Variants in HHAT observed in about 807,000 individuals in gnomAD.
HHAT encodes hedgehog acyltransferase, also known as protein-cysteine N-palmitoyltransferase HHAT.
In HHAT, 47 loss-of-function variants were observed where a neutral mutation model predicts 70.8. That is an observed-to-expected ratio of 0.66 (90% CI 0.53 to 0.85). HHAT has a LOEUF of 0.85. HHAT is among the 40% of genes least tolerant of loss of function. The pLI, the probability that HHAT is intolerant of heterozygous loss-of-function variation, is 0.00. For missense variants in HHAT, 609 were observed against 604.8 expected, an observed-to-expected ratio of 1.01 and a Z score of -0.07; for synonymous variants, 228 against 247.6, an observed-to-expected ratio of 0.92 and a Z score of 0.74.
At chr1:210,447,581 T>C (rs886874759) in intron 7 of HHAT, among the ~76,000 whole-genome samples, 1 of 152,214 alleles carries the variant, frequency 6.6e-6, no homozygotes, top group Non-Finnish European at 1.5e-5. Flanking sequence ...CAGTCAAGCA[T>C]TGGCTGAGGA....
At position 210,473,888 on chromosome 1, in the gene HHAT, C is replaced by G. The variant is rs142200381; in HGVS notation, c.1007+9233C>G. Among the ~76,000 whole-genome samples the G allele has an allele frequency of 1.0e-3, 158 of 152,330 alleles. 1 individual carries two copies. Among genetic ancestry groups the G allele is most frequent in the African/African-American group, 3.7e-3 (155 of 41,582 alleles). On this transcript the variant is annotated intron_variant, in intron 8 of 11. Coordinates refer to ENST00000261458, the MANE Select transcript of HHAT (RefSeq NM_018194.6). ...ATTTCTAATTCAGACATCCCTTCAG[C>G]AAAGTCGTGTTGCTTTTTGCCCCAC...
chr1:210,497,203 A>C (rs1402168875), intron 8 of HHAT, among the ~76,000 whole-genome samples: 1 of 152,214 alleles, frequency 6.6e-6, no homozygotes, highest in Admixed American at 6.5e-5. Flanking sequence ...ACTTAAAGGA[A>C]TCTTGTAGAA....
intron 8 of HHAT, among the ~76,000 whole-genome samples, chr1:210,499,492 A>G (rs1039639554): frequency 6.6e-6 from 1 of 152,160 alleles, no homozygotes; most frequent in African/African-American, 2.4e-5. Context: ...CAAAAAAATT[A>G]GCTGGGCATG....
At chr1:210,381,074 G>A (rs1359218787) in intron 3 of HHAT, among the ~76,000 whole-genome samples, 1 of 151,996 alleles carries the variant, frequency 6.6e-6, no homozygotes, top group African/African-American at 2.4e-5. Flanking sequence ...ATGGGTAGAA[G>A]TGAGTAGAGC....
intron 10 of HHAT, among the ~76,000 whole-genome samples, chr1:210,615,874 CT>C (rs1667611514): frequency 6.6e-6 from 1 of 152,202 alleles, no homozygotes; most frequent in Admixed American, 6.5e-5. Context: ...AGTTAGGCTA[CT>C]CGGGGGTCAG....
At position 210,387,388 on chromosome 1, in the gene HHAT, C is replaced by G. The variant is rs188970313; in HGVS notation, c.160-80C>G. On this transcript the variant is annotated intron_variant, in intron 3 of 11. Coordinates refer to ENST00000261458, the MANE Select transcript of HHAT (RefSeq NM_018194.6). ...GTTTGGACTCACACTGGCCTTCTTT[C>G]CAGTTTTATTAACTGGAGTTTGTGT... 12 of 1,206,806 alleles carry G rather than the reference C, an allele frequency of 9.9e-6. No homozygotes were observed. The Admixed American group carries it at 1.8e-4, about 18-fold the overall frequency. 74.8% of individuals were successfully genotyped at this position (1,206,806 alleles called of 1,614,324 possible).
chr1:210,341,936 A>G (rs548731944), intron 1 of HHAT, among the ~76,000 whole-genome samples: 30 of 152,272 alleles, frequency 2.0e-4, no homozygotes, highest in African/African-American at 6.7e-4. Flanking sequence ...TTTAACATCT[A>G]GTATTAAATG....
chr1:210,370,163 CTTTTTTTTT>C (rs200442278), intron 3 of HHAT, among the ~76,000 whole-genome samples: 19,617 of 122,200 alleles, frequency 0.16, 1,766 homozygotes, highest in Admixed American at 0.25. Flanking sequence ...TCTTCAATGA[CTTTTTTTTT>C]TTTTTTTTTT....
At position 210,404,554 on chromosome 1, in the gene HHAT, C is replaced by T; in HGVS notation, c.559C>T (p.Leu187Phe). ...GTACTACACCAGCTTCAGCCTGGAG[C>T]TCTGCTGGCAGCAGCTGCCTGCTGC... ...CLYYTSFSLELCWQQLPAAST... is the reference protein window; with the variant it reads ...CLYYTSFSLEFCWQQLPAAST... Residue 187 changes from leucine (L) to phenylalanine (F), a missense_variant, in exon 6 of 12, where the codon CTC becomes TTC. Transcript: ENST00000261458. The T allele has an allele frequency of 6.2e-7, 1 of 1,613,906 alleles. No homozygotes were observed. Among genetic ancestry groups the T allele is most frequent in the African/African-American group, 1.3e-5 (1 of 75,064 alleles).
intron 9 of HHAT, among the ~76,000 whole-genome samples, chr1:210,516,392 T>G (rs1215933970): frequency 6.6e-6 from 1 of 152,150 alleles, no homozygotes; most frequent in Non-Finnish European, 1.5e-5. Flanking sequence ...CCTTTAGACT[T>G]AGAGAAAGCA....
chr1:210,426,449 C>T (rs1362332604), intron 7 of HHAT, among the ~76,000 whole-genome samples: 1 of 151,914 alleles, frequency 6.6e-6, no homozygotes, highest in African/African-American at 2.4e-5. Flanking sequence ...CCAGCATTCG[C>T]CTATTCAGTA....
chr1:210,493,124 A>G (rs765137907), intron 8 of HHAT, among the ~76,000 whole-genome samples: 7 of 152,046 alleles, frequency 4.6e-5, no homozygotes, highest in Admixed American at 2.0e-4. Flanking sequence ...ACACAGTGCT[A>G]AGTTTGCAAC....
At chr1:210,370,999 T>A (rs550421996) in intron 3 of HHAT, among the ~76,000 whole-genome samples, 1 of 152,172 alleles carries the variant, frequency 6.6e-6, no homozygotes, top group Non-Finnish European at 1.5e-5. Flanking sequence ...ACATTTTTCC[T>A]ACCTGTCCGC....
At chr1:210,460,324 C>T (rs1292913869) in intron 7 of HHAT, among the ~76,000 whole-genome samples, 3 of 152,134 alleles carry the variant, frequency 2.0e-5, no homozygotes, top group Non-Finnish European at 4.4e-5. Flanking sequence ...TGTCATACTT[C>T]CTAAGTTAAT....
intron 3 of HHAT, chr1:210,374,009 C>T (rs150464566): frequency 1.3e-5 from 2 of 152,206 alleles, no homozygotes; most frequent in South Asian, 4.1e-4. Flanking sequence ...TGCAAGTATT[C>T]AGACCTTTGA....
intron 1 of HHAT, among the ~76,000 whole-genome samples, chr1:210,334,963 A>G (rs1032589024): frequency 6.6e-6 from 1 of 152,182 alleles, no homozygotes; most frequent in African/African-American, 2.4e-5. Context: ...TTCCATAGCA[A>G]AATTTTCAGG....
At chr1:210,480,249 C>A (rs2148483853) in intron 8 of HHAT, among the ~76,000 whole-genome samples, 1 of 152,266 alleles carries the variant, frequency 6.6e-6, no homozygotes, top group Non-Finnish European at 1.5e-5. Context: ...TTGAGAGAGA[C>A]CTCACCTCCG....
chr1:210,328,511 A>C (rs551205560), upstream of HHAT: 1 of 153,436 alleles, frequency 6.5e-6, no homozygotes, highest in East Asian at 1.9e-4. Context: ...CTAAGTTCAC[A>C]CAGTAAGCCC....
At chr1:210,429,539 T>C (rs1420985943) in intron 7 of HHAT, among the ~76,000 whole-genome samples, 2 of 151,910 alleles carry the variant, frequency 1.3e-5, no homozygotes, top group East Asian at 3.8e-4. Context: ...CCCATCTGTT[T>C]CTGTAAACTG....
Sources: gnomAD v4.1 joint callset for allele counts (sites outside exome capture counted in the v4.1 genomes callset) on GRCh38, gnomAD v4.1.1 for gene constraint, MANE v1.5 for transcripts, NCBI Gene and HGNC (gene_info 2026-07-23, HGNC 2026-07-21) for gene names.